Variants in JAK2 observed in about 807,000 individuals in gnomAD.
The protein encoded by JAK2 is Janus kinase 2.
A neutral mutation model predicts 139.3 loss-of-function variants in JAK2; 86 were observed. That is an observed-to-expected ratio of 0.62 (90% CI 0.52 to 0.74). The LOEUF (loss-of-function observed/expected upper bound fraction) is 0.74, where lower values mean the gene tolerates loss of function less well. Among genes scored for constraint, JAK2 ranks in the 30% least tolerant of loss-of-function variants. JAK2 has a pLI of 0.00. For synonymous variants in JAK2, 490 were observed against 437.7 expected, an observed-to-expected ratio of 1.12 and a Z score of -1.49; for missense variants, 1,421 against 1,360.3, an observed-to-expected ratio of 1.04 and a Z score of -0.70.
At chr9:4,988,345 A>G (rs1587789510) in intron 2 of JAK2, among the ~76,000 whole-genome samples, 1 of 152,244 alleles carries the variant, frequency 6.6e-6, no homozygotes, top group Non-Finnish European at 1.5e-5. Flanking sequence ...TTGCTCCGAT[A>G]AAAAGCAACT....
rs1001230969 is a variant in JAK2 at position 5,066,781 on chromosome 9, G to T, written c.1318G>T (p.Ala440Ser). 11 of 1,520,734 alleles carry T rather than the reference G, an allele frequency of 7.2e-6. No homozygotes were observed. The African/African-American group carries it at 1.3e-4, about 18-fold the overall frequency. 94.2% of individuals were successfully genotyped at this position (1,520,734 alleles called of 1,614,324 possible). The part of the protein sequence containing the change: ...KDFNKYFLTF[A>S]VERENVIEYK... ...CTTTAATAAATATTTTTTGACTTTT[G>T]CTGTCGAGGTTAGTATGTCACACTT... is the stretch of plus-strand genomic sequence containing the variant. Residue 440 changes from alanine (A) to serine (S), a missense_variant, in exon 10 of 25, where the codon GCT becomes TCT. Physicochemically the swap from Ala to Ser is moderately conservative, Grantham distance 99. Coordinates refer to ENST00000381652, the MANE Select transcript of JAK2 (RefSeq NM_004972.4).
chr9:5,078,099 C>CAG (rs1242213571), intron 15 of JAK2, among the ~76,000 whole-genome samples: 1 of 152,182 alleles, frequency 6.6e-6, no homozygotes, highest in African/African-American at 2.4e-5. Context: ...TTATTCATTT[C>CAG]ATCACAAGCA....
intron 22 of JAK2, among the ~76,000 whole-genome samples, chr9:5,117,356 A>G (rs779943095): frequency 1.3e-5 from 2 of 152,250 alleles, no homozygotes; most frequent in Non-Finnish European, 2.9e-5. Flanking sequence ...GGGGAATAAC[A>G]TGGTGAGATT....
intron 16 of JAK2, 104 bp downstream of exon 16, chr9:5,078,548 T>G: frequency 3.8e-6 from 3 of 793,846 alleles, no homozygotes; most frequent in Non-Finnish European, 4.0e-6. Context: ...ATTTGTATGT[T>G]CCTGATTAAT....
rs1229463520 is a variant in JAK2 at position 5,128,110 on chromosome 9, G to A, written c.*1319G>A. The A allele has an allele frequency of 2.2e-5, 5 of 231,754 alleles. No individual in the cohort carries two copies. The South Asian group carries it at 5.5e-4, about 25-fold the overall frequency. The allele number at this position is 231,754 out of a possible 1,614,324, so 14.4% of individuals were successfully genotyped here. ...TGTGTGTGTGTGTGTGTGTGTGTGT[G>A]TGTGTGTGTGTTATTTATACAAAAC... On this transcript the variant is annotated 3_prime_UTR_variant, in exon 25 of 25. Transcript: ENST00000381652.
At chr9:5,025,905 A>T (rs1024676348) in intron 3 of JAK2, among the ~76,000 whole-genome samples, 1 of 151,880 alleles carries the variant, frequency 6.6e-6, no homozygotes, top group Non-Finnish European at 1.5e-5. Flanking sequence ...AAAATTGTCC[A>T]TCTGTCTATA....
At chr9:4,994,960 C>T (rs904840288) in intron 2 of JAK2, among the ~76,000 whole-genome samples, 1 of 150,328 alleles carries the variant, frequency 6.7e-6, no homozygotes, top group South Asian at 2.1e-4. Flanking sequence ...GTGTGTGTGA[C>T]TATAACTAAA....
chr9:5,099,041 G>A (rs1173941576), intron 22 of JAK2: 1 of 152,026 alleles, frequency 6.6e-6, no homozygotes, highest in African/African-American at 2.4e-5. Flanking sequence ...TTAAAACCAG[G>A]AGAACTTCGA....
At chr9:5,086,859 G>C (rs894767016) in intron 19 of JAK2, among the ~76,000 whole-genome samples, 15 of 152,168 alleles carry the variant, frequency 9.9e-5, no homozygotes, top group Admixed American at 2.0e-4. Context: ...TCATAGAGCA[G>C]TTTGTATCAA....
intron 8 of JAK2, among the ~76,000 whole-genome samples, chr9:5,063,393 C>T (rs1387280687): frequency 6.6e-6 from 1 of 152,182 alleles, no homozygotes; most frequent in African/African-American, 2.4e-5. Flanking sequence ...ATCACAGCAT[C>T]TTACTTTGTA....
intron 2 of JAK2, among the ~76,000 whole-genome samples, chr9:5,009,686 T>C (rs1001486052): frequency 2.6e-5 from 4 of 152,208 alleles, no homozygotes; most frequent in African/African-American, 9.6e-5. Context: ...TTGATAATCA[T>C]TGCATATTTA....
chr9:4,998,403 C>T (rs1021343955), intron 2 of JAK2, among the ~76,000 whole-genome samples: 12 of 152,182 alleles, frequency 7.9e-5, no homozygotes, highest in East Asian at 1.9e-4. Flanking sequence ...ATTATAGGCG[C>T]GCACCACCAC....
At chr9:5,113,073 C>T (rs536947332) in intron 22 of JAK2, among the ~76,000 whole-genome samples, 4 of 152,172 alleles carry the variant, frequency 2.6e-5, no homozygotes, top group African/African-American at 9.6e-5. Context: ...GGGACCCCGG[C>T]TCACCCCTCA....
At chr9:5,026,983 G>C (rs940613994) in intron 3 of JAK2, among the ~76,000 whole-genome samples, 4 of 152,120 alleles carry the variant, frequency 2.6e-5, no homozygotes, top group African/African-American at 9.7e-5. Flanking sequence ...TCTTTTAAGA[G>C]TATTCATGAC....
chr9:5,116,439 G>C (rs1823181352), intron 22 of JAK2, among the ~76,000 whole-genome samples: 1 of 152,096 alleles, frequency 6.6e-6, no homozygotes, highest in Non-Finnish European at 1.5e-5. Flanking sequence ...TACTTTTAGG[G>C]TATGAGTGAA....
chr9:5,044,844 ATAT>A (rs1192755020), intron 5 of JAK2, among the ~76,000 whole-genome samples: 4 of 152,238 alleles, frequency 2.6e-5, no homozygotes, highest in African/African-American at 9.6e-5. Flanking sequence ...CGTGGCTAAA[ATAT>A]TAGTAACATT....
At chr9:5,011,101 G>A (rs1034018736) in intron 2 of JAK2, among the ~76,000 whole-genome samples, 3 of 152,198 alleles carry the variant, frequency 2.0e-5, no homozygotes, top group Admixed American at 6.5e-5. Flanking sequence ...GTATGGATTT[G>A]TATAGATTGG....
In JAK2 at chr9:5,038,332, C is replaced by T. The variant is rs570552959; in HGVS notation, c.351-6071C>T. Reference sequence around the variant, plus strand: ...ATAAAAGCCCAGGCCCAAGTGGCTTCACTTGTGAATTCTATCACACATTAA... The same window carrying T: ...ATAAAAGCCCAGGCCCAAGTGGCTTTACTTGTGAATTCTATCACACATTAA... On this transcript the variant is annotated intron_variant, in intron 4 of 24. Coordinates refer to ENST00000381652, the MANE Select transcript of JAK2 (RefSeq NM_004972.4). Among the ~76,000 whole-genome samples the T allele has an allele frequency of 2.7e-4, 41 of 152,226 alleles. No individual in the cohort carries two copies. The South Asian group carries it at 8.5e-3, about 32-fold the overall frequency.
intron 4 of JAK2, among the ~76,000 whole-genome samples, chr9:5,030,843 G>C (rs1396660833): frequency 2.0e-5 from 3 of 151,800 alleles, no homozygotes; most frequent in Non-Finnish European, 4.4e-5. Context: ...TTTGCACTGA[G>C]TTCAAAAAAA....
Sources: gnomAD v4.1 joint callset for allele counts (sites outside exome capture counted in the v4.1 genomes callset) on GRCh38, gnomAD v4.1.1 for gene constraint, MANE v1.5 for transcripts, NCBI Gene and HGNC (gene_info 2026-07-23, HGNC 2026-07-21) for gene names.